Variants in ARAP2 observed in about 807,000 individuals in gnomAD.
The protein encoded by ARAP2 is ArfGAP with RhoGAP domain, ankyrin repeat and PH domain 2.
ARAP2 carries 148 observed loss-of-function variants against 194.5 expected under a neutral mutation model. The ratio of observed to expected loss-of-function variants is 0.76; its 90% CI spans 0.67 to 0.87. The LOEUF (loss-of-function observed/expected upper bound fraction) is 0.87, where lower values mean the gene tolerates loss of function less well. ARAP2 is among the 40% of genes least tolerant of loss of function. The pLI, the probability that ARAP2 is intolerant of heterozygous loss-of-function variation, is 0.00. For missense variants in ARAP2, 2,128 were observed against 1,989.7 expected (o/e 1.07, Z -1.32); for synonymous variants, 695 against 683.5 (o/e 1.02, Z -0.26).
At chr4:36,234,739 T>A (rs373235144) in intron 1 of ARAP2, among the ~76,000 whole-genome samples, 1 of 152,214 alleles carries the variant, frequency 6.6e-6, no homozygotes, top group Non-Finnish European at 1.5e-5. Context: ...ACAGCACTTA[T>A]AACAACAACT....
chr4:36,169,984 T>C (rs1736235068), intron 9 of ARAP2, among the ~76,000 whole-genome samples: 1 of 152,252 alleles, frequency 6.6e-6, no homozygotes, highest in Admixed American at 6.5e-5. Flanking sequence ...CTGCATTTTC[T>C]ATTAAAAAAC....
chr4:36,100,867 C>T (rs939631556), intron 27 of ARAP2, among the ~76,000 whole-genome samples: 1 of 151,930 alleles, frequency 6.6e-6, no homozygotes, highest in African/African-American at 2.4e-5. Flanking sequence ...AGAAAGTAAT[C>T]TATTTCTTAG....
intron 15 of ARAP2, among the ~76,000 whole-genome samples, chr4:36,156,403 GAAA>G (rs1732440511): frequency 8.0e-5 from 1 of 12,496 alleles, no homozygotes; most frequent in Non-Finnish European, 1.2e-4. Context: ...AAGAAAGAAA[GAAA>G]GAAAGAAAGA....
chr4:36,149,886 TTTC>T, intron 16 of ARAP2, among the ~76,000 whole-genome samples: 1 of 152,270 alleles, frequency 6.6e-6, no homozygotes, highest in African/African-American at 2.4e-5. Context: ...TGCAAATCTC[TTTC>T]CTTTCTCATA....
At chr4:36,023,962 TA>T (rs3055211) in intron 5 of ARAP2, among the ~76,000 whole-genome samples, 5,890 of 150,998 alleles carry the variant, frequency 0.039, 360 homozygotes, top group African/African-American at 0.13. Flanking sequence ...ATTTAATCAA[TA>T]AAAAAAAAAA....
intron 30 of ARAP2, 27 bp downstream of exon 30, chr4:36,082,224 T>C (rs1479943110): frequency 1.9e-6 from 3 of 1,601,368 alleles, no homozygotes; most frequent in Non-Finnish European, 2.6e-6. Flanking sequence ...ATATATTATG[T>C]CCAAAAGTTG....
chr4:36,189,761 C>T (rs1429164405), intron 7 of ARAP2, among the ~76,000 whole-genome samples: 1 of 152,196 alleles, frequency 6.6e-6, no homozygotes, highest in Admixed American at 6.5e-5. Context: ...CCTTTCTTAT[C>T]TATTCATTTC....
intron 6 of ARAP2, among the ~76,000 whole-genome samples, chr4:36,017,779 G>C (rs1386900650): frequency 2.6e-5 from 4 of 151,992 alleles, no homozygotes; most frequent in African/African-American, 9.7e-5. Context: ...AGAGACCTTT[G>C]TGTGTATACT....
chr4:36,199,759 A>G (rs1363824483), intron 6 of ARAP2, among the ~76,000 whole-genome samples: 1 of 152,230 alleles, frequency 6.6e-6, no homozygotes, highest in East Asian at 1.9e-4. Context: ...CTGGAGATCT[A>G]ATATACAGCA....
chr4:36,187,073 C>A (rs1740735189), intron 8 of ARAP2, among the ~76,000 whole-genome samples: 1 of 152,196 alleles, frequency 6.6e-6, no homozygotes, highest in Non-Finnish European at 1.5e-5. Flanking sequence ...CATAAATGTC[C>A]ATATAACCAA....
intron 2 of ARAP2, among the ~76,000 whole-genome samples, chr4:36,222,831 G>A (rs2109316779): frequency 6.6e-6 from 1 of 151,936 alleles, no homozygotes; most frequent in East Asian, 1.9e-4. Flanking sequence ...TAATATTTTT[G>A]TTGTGGCTTT....
Position 36,124,941 on chromosome 4 carries a change from T to A in ARAP2, c.3667A>T (p.Lys1223Ter). 3 of 1,610,510 alleles carry A rather than the reference T, an allele frequency of 1.9e-6. No individual in the cohort carries two copies. Among genetic ancestry groups the A allele is most frequent in the Non-Finnish European group, 2.5e-6 (3 of 1,177,830 alleles). ...LDTQDDKERIKKYGAFIRSLP... is the reference protein window; with the variant it reads ...LDTQDDKERI Reference sequence around the variant, plus strand: ...GAACGTATAAATGCTCCATATTTTTTAATTCTTTCCTTGTCATCTTGCGTA... The same window carrying A: ...GAACGTATAAATGCTCCATATTTTTAAATTCTTTCCTTGTCATCTTGCGTA... Residue 1223 changes from lysine to a stop codon, truncating the protein, a stop_gained, in exon 22 of 33, where the codon AAA becomes TAA. Coordinates refer to ENST00000303965, the MANE Select transcript of ARAP2 (RefSeq NM_015230.4). LOFTEE classifies it high-confidence loss of function.
At chr4:36,166,508 C>T (rs571292063) in intron 10 of ARAP2, among the ~76,000 whole-genome samples, 9 of 151,918 alleles carry the variant, frequency 5.9e-5, no homozygotes, top group African/African-American at 1.9e-4. Context: ...TGGAGGAAAT[C>T]ATATGGAACA....
chr4:36,160,618 T>C lies in ARAP2; in HGVS notation c.2283A>G (p.Lys761=), dbSNP rs776662633. The C allele has an allele frequency of 9.5e-6, 14 of 1,477,456 alleles. No individual in the cohort carries two copies. The Admixed American group carries it at 3.4e-4, about 36-fold the overall frequency. 91.5% of individuals were successfully genotyped at this position (1,477,456 alleles called of 1,614,324 possible). A position where few individuals can be genotyped will look rare whatever the true frequency, so the allele number is the denominator to read the frequency against. The change falls in exon 13 of 33, where the codon AAA becomes AAG. Residue 761 remains lysine (K), a synonymous_variant. Coordinates refer to ENST00000303965, the MANE Select transcript of ARAP2 (RefSeq NM_015230.4). ...LIELFIVIGN[K]RANDFWAGNL... Reference sequence around the variant, plus strand: ...TACCAGCCCAAAAGTCATTTGCTCTTTTGTTTCCAATGACAATAAAAAGCT... The same window carrying C: ...TACCAGCCCAAAAGTCATTTGCTCTCTTGTTTCCAATGACAATAAAAAGCT...
At chr4:36,145,202 G>A (rs1729355968) in intron 19 of ARAP2, among the ~76,000 whole-genome samples, 2 of 151,696 alleles carry the variant, frequency 1.3e-5, no homozygotes, top group Admixed American at 1.3e-4. Flanking sequence ...AAAAAAAAAT[G>A]GTTCTACCAA....
At chr4:36,063,462 GAAAAA>G (rs11286192), downstream of ARAP2, among the ~76,000 whole-genome samples, 1 of 132,240 alleles carries the variant, frequency 7.6e-6, no homozygotes, top group East Asian at 2.2e-4. Flanking sequence ...TTTAAAAAAA[GAAAAA>G]AAAAAAAAAG....
intron 27 of ARAP2, among the ~76,000 whole-genome samples, chr4:36,098,188 A>G (rs995318378): frequency 2.6e-5 from 4 of 152,230 alleles, no homozygotes; most frequent in African/African-American, 9.6e-5. Flanking sequence ...TGAGGGGAAG[A>G]GGAGAGAGAA....
intron 6 of ARAP2, among the ~76,000 whole-genome samples, chr4:36,205,074 T>A (rs1374931712): frequency 6.9e-6 from 1 of 144,364 alleles, no homozygotes; most frequent in Non-Finnish European, 1.5e-5. Flanking sequence ...AAACTAAACA[T>A]TGTCAATGAA....
chr4:36,014,962 G>T (rs968444627), intron 8 of ARAP2, among the ~76,000 whole-genome samples: 1 of 152,136 alleles, frequency 6.6e-6, no homozygotes, highest in Non-Finnish European at 1.5e-5. Flanking sequence ...TGCCACTCCA[G>T]GCTTTTAATG....
Sources: gnomAD v4.1 joint callset for allele counts (sites outside exome capture counted in the v4.1 genomes callset) on GRCh38, gnomAD v4.1.1 for gene constraint, MANE v1.5 for transcripts, NCBI Gene and HGNC (gene_info 2026-07-23, HGNC 2026-07-21) for gene names.